The following TNFSF13B variants were observed in gnomAD, a reference collection of about 807,000 sequenced individuals.
TNFSF13B encodes the protein TNF superfamily member 13b.
A neutral mutation model predicts 29.1 loss-of-function variants in TNFSF13B; 8 were observed. The ratio of observed to expected loss-of-function variants is 0.27; its 90% CI spans 0.16 to 0.50. The LOEUF (loss-of-function observed/expected upper bound fraction) is 0.50. TNFSF13B is among the 20% of genes least tolerant of loss of function. TNFSF13B has a pLI of 0.98. For missense variants in TNFSF13B, 248 were observed against 334.9 expected (o/e 0.74, Z 2.03); for synonymous variants, 125 against 130.8 (o/e 0.96, Z 0.30).
chr13:108,271,444 TCACACACACACACA>T lies in TNFSF13B; in HGVS notation c.424+1052_424+1065del, dbSNP rs59438208. Among the ~76,000 whole-genome samples, 1,163 of 142,996 alleles carry T rather than the reference TCACACACACACACA, an allele frequency of 8.1e-3. 16 individuals carry two copies. The highest frequency in any genetic ancestry group is 0.022 in the African/African-American group (833 of 38,426). 93.8% of individuals were successfully genotyped at this position (142,996 alleles called of 152,430 possible). A position where few individuals can be genotyped will look rare whatever the true frequency, so the allele number is the denominator to read the frequency against. On this transcript the variant is annotated intron_variant, in intron 2 of 5. Transcript: ENST00000375887. Reference sequence around the variant, plus strand: ...GAGAGATAGACCAGGGACCCTTCTATCACACACACACACACACACACACACACACACACACACAC... The same window carrying T: ...GAGAGATAGACCAGGGACCCTTCTATCACACACACACACACACACACACAC...
intron 3 of TNFSF13B, among the ~76,000 whole-genome samples, chr13:108,288,403 G>C (rs1881204848): frequency 6.6e-6 from 1 of 152,086 alleles, no homozygotes; most frequent in African/African-American, 2.4e-5. Flanking sequence ...AACGGGCCTT[G>C]AAAAAAGCAG....
intron 2 of TNFSF13B, among the ~76,000 whole-genome samples, chr13:108,286,303 A>G (rs1287196923): frequency 2.6e-5 from 4 of 151,776 alleles, no homozygotes; most frequent in Non-Finnish European, 5.9e-5. Context: ...GAAGTGATAT[A>G]TACTGTCTTG....
Position 108,270,035 on chromosome 13 carries a change from T to G in TNFSF13B, c.140T>G (p.Leu47Arg). 1 of 1,612,084 alleles carries G rather than the reference T, an allele frequency of 6.2e-7. No homozygotes were observed. Among genetic ancestry groups the G allele is most frequent in the Non-Finnish European group, 8.5e-7 (1 of 1,180,010 alleles). The change falls in exon 1 of 6, where the codon CTG becomes CGG. Residue 47 changes from leucine to arginine, a missense_variant. Physicochemically the swap from Leu to Arg is moderately radical, Grantham distance 102. Coordinates refer to ENST00000375887, the MANE Select transcript of TNFSF13B (RefSeq NM_006573.5). ...GTCCGATCCTCCAAAGACGGAAAGC[T>G]GCTGGCTGCAACCTTGCTGCTGGCA... ...PSVRSSKDGK[L>R]LAATLLLALL...
In TNFSF13B at chr13:108,292,127, A is replaced by G. The variant is rs953861359; in HGVS notation, c.481+5268A>G. Among the ~76,000 whole-genome samples the G allele has an allele frequency of 2.6e-5, 4 of 151,864 alleles. No individual in the cohort carries two copies. The East Asian group carries it at 7.7e-4, about 29-fold the overall frequency. ...TCCTGTATCCATTAAGCAATCAGTT[A>G]CCATTTCTCTGTCTCCCCATGCCCC... On this transcript the variant is annotated intron_variant, in intron 3 of 5. Coordinates refer to ENST00000375887, the MANE Select transcript of TNFSF13B (RefSeq NM_006573.5).
chr13:108,304,584 C>T (rs188526081), intron 5 of TNFSF13B, among the ~76,000 whole-genome samples: 2 of 152,166 alleles, frequency 1.3e-5, no homozygotes, highest in Admixed American at 1.3e-4. Flanking sequence ...AAATATTTAC[C>T]TTAAACACAT....
chr13:108,281,805 T>TC (rs1880965643), intron 2 of TNFSF13B, among the ~76,000 whole-genome samples: 1 of 152,210 alleles, frequency 6.6e-6, no homozygotes, highest in Non-Finnish European at 1.5e-5. Context: ...GCTTCCCTCC[T>TC]CTAAATTCAT....
At chr13:108,303,689 G>C in intron 5 of TNFSF13B, 85 bp downstream of exon 5, 1 of 1,391,722 alleles carries the variant, frequency 7.2e-7, no homozygotes, top group Non-Finnish European at 9.8e-7. Flanking sequence ...AAAAATGAAA[G>C]GATGGTGCCC....
At chr13:108,284,877 A>G (rs1353449445) in intron 2 of TNFSF13B, among the ~76,000 whole-genome samples, 1 of 152,234 alleles carries the variant, frequency 6.6e-6, no homozygotes, top group Non-Finnish European at 1.5e-5. Context: ...CTGTACTACT[A>G]TAGAGACTGT....
chr13:108,297,505 T>A lies in TNFSF13B; in HGVS notation c.482-5748T>A, dbSNP rs145156935. On this transcript the variant is annotated intron_variant, in intron 3 of 5. Coordinates refer to ENST00000375887, the MANE Select transcript of TNFSF13B (RefSeq NM_006573.5). ...TGACTTTCTTCAGCGTTGGAAAGAG[T>A]TTGGCCATTATTTCTCCAAATATTC... Among the ~76,000 whole-genome samples the A allele has an allele frequency of 6.3e-4, 91 of 145,506 alleles. 19 individuals carry two copies. Among genetic ancestry groups the A allele is most frequent in the African/African-American group, 2.2e-3 (87 of 38,730 alleles).
chr13:108,304,452 G>A (rs1881714846), intron 5 of TNFSF13B, among the ~76,000 whole-genome samples: 1 of 152,198 alleles, frequency 6.6e-6, no homozygotes, highest in African/African-American at 2.4e-5. Context: ...CAGGAGCAGT[G>A]AGAGGCAGAG....
chr13:108,276,189 C>G (rs1880758623), intron 2 of TNFSF13B, among the ~76,000 whole-genome samples: 1 of 152,208 alleles, frequency 6.6e-6, no homozygotes, highest in Admixed American at 6.5e-5. Flanking sequence ...CAGCCCTTAT[C>G]AAAATTAGGC....
intron 3 of TNFSF13B, among the ~76,000 whole-genome samples, chr13:108,298,261 A>G (rs1013230445): frequency 1.4e-5 from 2 of 144,914 alleles, no homozygotes; most frequent in Non-Finnish European, 3.1e-5. Flanking sequence ...TTTTCTGTGA[A>G]TCTAAAATGG....
At chr13:108,297,410 A>C (rs1379096434) in intron 3 of TNFSF13B, among the ~76,000 whole-genome samples, 1 of 145,614 alleles carries the variant, frequency 6.9e-6, no homozygotes, top group Non-Finnish European at 1.5e-5. Context: ...GATTTTAAGA[A>C]GTCTTGGTAG....
rs188983167 is a variant in TNFSF13B, at chr13:108,293,343, G to A, written c.481+6484G>A. On this transcript the variant is annotated intron_variant, in intron 3 of 5. Transcript: ENST00000375887. ...TTACTGTTATGTTATAGTAAATTTT[G>A]AAATTTAGGATAGTGAATCCTTCAA... Among the ~76,000 whole-genome samples, 374 of 152,226 alleles carry A rather than the reference G, an allele frequency of 2.5e-3. 1 individual carries two copies. Among genetic ancestry groups the A allele is most frequent in the Non-Finnish European group, 2.5e-3 (171 of 67,992 alleles).
At chr13:108,273,230 G>A (rs1480132711) in intron 2 of TNFSF13B, among the ~76,000 whole-genome samples, 2 of 151,682 alleles carry the variant, frequency 1.3e-5, no homozygotes, top group Non-Finnish European at 1.5e-5. Flanking sequence ...ACACTTACAG[G>A]TGGATTTTTT....
chr13:108,304,345 C>T (rs1210216182), intron 5 of TNFSF13B, among the ~76,000 whole-genome samples: 1 of 152,040 alleles, frequency 6.6e-6, no homozygotes, highest in Non-Finnish European at 1.5e-5. Context: ...TCTAAATAGC[C>T]ACAAGTATTG....
intron 2 of TNFSF13B, among the ~76,000 whole-genome samples, chr13:108,281,385 G>A (rs1880950112): frequency 6.6e-6 from 1 of 152,114 alleles, no homozygotes; most frequent in Admixed American, 6.5e-5. Context: ...TACTTTCTCA[G>A]GAACACTATA....
At chr13:108,291,224 A>G (rs1017886201) in intron 3 of TNFSF13B, among the ~76,000 whole-genome samples, 2 of 150,522 alleles carry the variant, frequency 1.3e-5, no homozygotes, top group African/African-American at 4.9e-5. Context: ...TTTTTTTTCT[A>G]TTAAATATAG....
chr13:108,271,064 C>G (rs1469698352), intron 2 of TNFSF13B, among the ~76,000 whole-genome samples: 1 of 151,888 alleles, frequency 6.6e-6, no homozygotes, highest in Non-Finnish European at 1.5e-5. Context: ...TCGTCCTTTA[C>G]TGATTTCTGA....
Sources: allele counts gnomAD v4.1 joint callset (sites outside exome capture counted in the v4.1 genomes callset), GRCh38; gene constraint gnomAD v4.1.1; transcripts MANE v1.5; gene names NCBI Gene and HGNC (gene_info 2026-07-23, HGNC 2026-07-21).